TMOD1: variants seen among roughly 807,000 people sequenced by gnomAD.
TMOD1 encodes the protein tropomodulin-1.
In TMOD1, 17 loss-of-function variants were observed where a neutral mutation model predicts 40.6. The ratio of observed to expected loss-of-function variants is 0.42; its 90% CI spans 0.29 to 0.63. The LOEUF is 0.63. TMOD1 is among the 20% of genes least tolerant of loss of function. TMOD1 has a pLI of 0.22. For missense variants in TMOD1, 391 were observed against 447.6 expected, an observed-to-expected ratio of 0.87 and a Z score of 1.14; for synonymous variants, 181 against 175.0, an observed-to-expected ratio of 1.03 and a Z score of -0.27.
At chr9:97,592,805 T>C (rs1826028753) in intron 9 of TMOD1, among the ~76,000 whole-genome samples, 1 of 152,202 alleles carries the variant, frequency 6.6e-6, no homozygotes, top group Non-Finnish European at 1.5e-5. Context: ...GGTTCCTGCT[T>C]GTAAGGATGT....
intron 1 of TMOD1, among the ~76,000 whole-genome samples, chr9:97,510,790 C>T (rs922317597): frequency 1.3e-5 from 2 of 152,048 alleles, no homozygotes; most frequent in Non-Finnish European, 1.5e-5. Flanking sequence ...GTACTACAAT[C>T]GTTAGCTTCC....
At chr9:97,529,704 A>G (rs149729508) in intron 2 of TMOD1, among the ~76,000 whole-genome samples, 64 of 152,164 alleles carry the variant, frequency 4.2e-4, no homozygotes, top group African/African-American at 1.4e-3. Flanking sequence ...ATCTCTCTGG[A>G]GTTAAGTGGA....
intron 2 of TMOD1, among the ~76,000 whole-genome samples, chr9:97,528,571 A>G (rs1323095418): frequency 2.0e-5 from 3 of 152,216 alleles, no homozygotes; most frequent in Non-Finnish European, 4.4e-5. Flanking sequence ...AGCTTCGAAA[A>G]GGCCTGGAGG....
At chr9:97,551,014 A>ATATATATATATATTT (rs1243994680) in intron 3 of TMOD1, among the ~76,000 whole-genome samples, 1 of 104,270 alleles carries the variant, frequency 9.6e-6, no homozygotes, top group African/African-American at 4.3e-5. Context: ...ATATATATAT[A>ATATATATATATATTT]TTTTTTTTTT....
intron 8 of TMOD1, among the ~76,000 whole-genome samples, chr9:97,576,957 G>A (rs774241108): frequency 3.0e-4 from 46 of 152,218 alleles, no homozygotes; most frequent in Non-Finnish European, 5.6e-4. Flanking sequence ...TTACTTCTAC[G>A]GAAGGGGGTG....
At chr9:97,570,350 G>A (rs548063031) in intron 8 of TMOD1, among the ~76,000 whole-genome samples, 1 of 152,302 alleles carries the variant, frequency 6.6e-6, no homozygotes, top group Non-Finnish European at 1.5e-5. Context: ...TTTAGTTGAA[G>A]TTTCACTTTA....
At chr9:97,539,971 C>CAAAAAAA (rs34844299) in intron 2 of TMOD1, among the ~76,000 whole-genome samples, 12 of 71,700 alleles carry the variant, frequency 1.7e-4, no homozygotes, top group Middle Eastern at 8.8e-3. Flanking sequence ...GACTCTGTCT[C>CAAAAAAA]AAAAAAAAAA....
chr9:97,531,142 G>C (rs550481428), intron 2 of TMOD1, among the ~76,000 whole-genome samples: 1 of 148,100 alleles, frequency 6.8e-6, no homozygotes, highest in Non-Finnish European at 1.5e-5. Context: ...GCTATGCTAA[G>C]CATTTTATGG....
At position 97,546,236 on chromosome 9, in the gene TMOD1, C is replaced by T. The variant is rs754854080; in HGVS notation, c.172C>T (p.Pro58Ser). 2 of 1,614,002 alleles carry T rather than the reference C, an allele frequency of 1.2e-6. No individual in the cohort carries two copies. Among genetic ancestry groups the T allele is most frequent in the South Asian group, 1.1e-5 (1 of 91,064 alleles). Reference sequence around the variant, plus strand: ...GCAGAAGGATCAGACCACCAAGGCGCCCACGGGCCCCTTTAAAAGAGAGGA... The same window carrying T: ...GCAGAAGGATCAGACCACCAAGGCGTCCACGGGCCCCTTTAAAAGAGAGGA... ...LRQKDQTTKA[P>S]TGPFKREELL... The change falls in exon 3 of 10, where the codon CCC (proline) becomes TCC (serine). Residue 58 changes from proline (P) to serine (S), a missense_variant. Coordinates refer to ENST00000259365, the MANE Select transcript of TMOD1 (RefSeq NM_003275.4).
intron 1 of TMOD1, among the ~76,000 whole-genome samples, chr9:97,505,419 C>T (rs549144878): frequency 8.5e-5 from 13 of 152,260 alleles, no homozygotes; most frequent in African/African-American, 2.2e-4. Context: ...ACCCCAGGGC[C>T]GTTTCTAGCG....
intron 9 of TMOD1, among the ~76,000 whole-genome samples, chr9:97,597,359 A>G (rs1826131266): frequency 6.6e-6 from 1 of 152,192 alleles, no homozygotes; most frequent in Non-Finnish European, 1.5e-5. Context: ...ATAATACCTG[A>G]ATAAATGGAT....
At chr9:97,511,733 C>T (rs1468477153) in intron 1 of TMOD1, among the ~76,000 whole-genome samples, 3 of 152,150 alleles carry the variant, frequency 2.0e-5, no homozygotes, top group Admixed American at 6.5e-5. Flanking sequence ...TACAGGAGTG[C>T]GCCATCACAC....
chr9:97,584,258 A>AC, intron 8 of TMOD1, among the ~76,000 whole-genome samples: 1 of 152,264 alleles, frequency 6.6e-6, no homozygotes, highest in South Asian at 2.1e-4. Context: ...TTCGTTATGT[A>AC]CCCAGTAGTC....
chr9:97,515,590 C>A (rs187803584), intron 1 of TMOD1, among the ~76,000 whole-genome samples: 1 of 152,170 alleles, frequency 6.6e-6, no homozygotes, highest in Non-Finnish European at 1.5e-5. Context: ...TATTTTGGTA[C>A]CTTTAATGGC....
intron 1 of TMOD1, among the ~76,000 whole-genome samples, chr9:97,514,581 C>G (rs755716044): frequency 6.6e-6 from 1 of 152,166 alleles, no homozygotes; most frequent in African/African-American, 2.4e-5. Flanking sequence ...CCCCTGGCAC[C>G]CTCTGGTTCC....
chr9:97,566,573 A>T (rs1014525899), intron 7 of TMOD1, among the ~76,000 whole-genome samples: 2 of 152,130 alleles, frequency 1.3e-5, no homozygotes, highest in African/African-American at 4.8e-5. Flanking sequence ...CGGGAGGCTG[A>T]AGCAGGAGAA....
At chr9:97,544,103 T>G (rs541934617) in intron 2 of TMOD1, among the ~76,000 whole-genome samples, 1 of 152,320 alleles carries the variant, frequency 6.6e-6, no homozygotes, top group Admixed American at 6.5e-5. Context: ...TATCTGTCTG[T>G]CCGGGCTCTG....
intron 8 of TMOD1, among the ~76,000 whole-genome samples, chr9:97,588,424 A>C (rs1443568224): frequency 6.6e-6 from 1 of 152,154 alleles, no homozygotes; most frequent in African/African-American, 2.4e-5. Context: ...TTGCTCATTT[A>C]TAAATTGTGT....
intron 7 of TMOD1, 68 bp downstream of exon 7, chr9:97,566,023 C>G: frequency 7.3e-7 from 1 of 1,379,002 alleles, no homozygotes; most frequent in Non-Finnish European, 1.0e-6. Flanking sequence ...AAATATGTGG[C>G]CTCAGGACTG....
Sources: allele counts gnomAD v4.1 joint callset (sites outside exome capture counted in the v4.1 genomes callset), GRCh38; gene constraint gnomAD v4.1.1; transcripts MANE v1.5; gene names NCBI Gene and HGNC (gene_info 2026-07-23, HGNC 2026-07-21).